The following PLD5 variants were observed in gnomAD, a reference collection of about 807,000 sequenced individuals.
The protein encoded by PLD5 is inactive phospholipase D5.
In PLD5, 36 loss-of-function variants were observed where a neutral mutation model predicts 61.1. The ratio of observed to expected loss-of-function variants is 0.59; its 90% CI spans 0.45 to 0.78. The LOEUF (loss-of-function observed/expected upper bound fraction) is 0.78, where lower values mean the gene tolerates loss of function less well. PLD5 is among the 30% of genes least tolerant of loss of function. The pLI is 0.00. For missense variants in PLD5, 515 were observed against 644.4 expected (o/e 0.80, Z 2.17); for synonymous variants, 243 against 242.8 (o/e 1.00, Z -0.01).
At chr1:242,245,009 C>G (rs1220146086) in intron 4 of PLD5, among the ~76,000 whole-genome samples, 2 of 152,200 alleles carry the variant, frequency 1.3e-5, no homozygotes, top group Non-Finnish European at 2.9e-5. Flanking sequence ...TAAAACTCCA[C>G]TCAGCTTATG....
At chr1:242,496,422 G>A (rs2102984608) in intron 1 of PLD5, among the ~76,000 whole-genome samples, 1 of 152,300 alleles carries the variant, frequency 6.6e-6, no homozygotes, top group Middle Eastern at 3.4e-3. Context: ...GCTATTTAAT[G>A]TCATATAAGG....
At chr1:242,161,731 C>G (rs1051465350) in intron 5 of PLD5, among the ~76,000 whole-genome samples, 1 of 152,208 alleles carries the variant, frequency 6.6e-6, no homozygotes, top group South Asian at 2.1e-4. Flanking sequence ...TGGTGAAGAT[C>G]TCGTCCAGAA....
chr1:242,246,974 CTTTTTTTTTTTTTTTTTTT>C (rs74466537), intron 4 of PLD5, among the ~76,000 whole-genome samples: 6 of 135,806 alleles, frequency 4.4e-5, no homozygotes, highest in African/African-American at 2.8e-5. Context: ...TTTAGGGATT[CTTTTTTTTTTTTTTTTTTT>C]TTTTTTTTGA....
At chr1:242,437,702 A>T (rs954047133) in intron 1 of PLD5, among the ~76,000 whole-genome samples, 5 of 151,994 alleles carry the variant, frequency 3.3e-5, no homozygotes, top group African/African-American at 1.2e-4. Flanking sequence ...AAAAAAATTT[A>T]GTTTACAAAC....
At chr1:242,372,380 C>T (rs371801873) in intron 1 of PLD5, among the ~76,000 whole-genome samples, 9 of 152,120 alleles carry the variant, frequency 5.9e-5, no homozygotes, top group Non-Finnish European at 8.8e-5. Context: ...AGGTAATTTA[C>T]AGATTCAATG....
chr1:242,486,189 G>A (rs1667953633), intron 1 of PLD5, among the ~76,000 whole-genome samples: 1 of 152,034 alleles, frequency 6.6e-6, no homozygotes, highest in Admixed American at 6.6e-5. Context: ...CAAAAGCAAT[G>A]GCAACAAAAG....
At chr1:242,326,880 T>G (rs895863572) in intron 2 of PLD5, among the ~76,000 whole-genome samples, 2 of 151,950 alleles carry the variant, frequency 1.3e-5, no homozygotes, top group Non-Finnish European at 2.9e-5. Context: ...CTTTTTTTTT[T>G]TCCGAGACAG....
chr1:242,482,327 G>A (rs1182891451), intron 1 of PLD5, among the ~76,000 whole-genome samples: 1 of 152,120 alleles, frequency 6.6e-6, no homozygotes, highest in African/African-American at 2.4e-5. Flanking sequence ...TTAGATGAAT[G>A]GCTAACTACA....
intron 1 of PLD5, among the ~76,000 whole-genome samples, chr1:242,403,037 C>G (rs1664027300): frequency 6.6e-6 from 1 of 152,232 alleles, no homozygotes; most frequent in Non-Finnish European, 1.5e-5. Context: ...CCTACTCAAT[C>G]AAACCTTTTA....
At chr1:242,281,767 G>A (rs1449995263) in intron 3 of PLD5, among the ~76,000 whole-genome samples, 1 of 152,152 alleles carries the variant, frequency 6.6e-6, no homozygotes, top group Non-Finnish European at 1.5e-5. Context: ...CAAAGCTGAA[G>A]TGCCCCCTGC....
rs576813662 is a variant in PLD5 at position 242,365,243 on chromosome 1, G to T, written c.190-17001C>A. ...GTATGAGGTGGTGCAGGAAGGCCCT[G>T]CATGGGGACGAGTGCAAGTGCCCCA... is the stretch of plus-strand genomic sequence containing the variant. On this transcript the variant is annotated intron_variant, in intron 1 of 9. Transcript: ENST00000536534. 249 of 152,522 alleles carry T rather than the reference G, an allele frequency of 1.6e-3. 1 individual carries two copies. Among genetic ancestry groups the T allele is most frequent in the Non-Finnish European group, 2.5e-3 (168 of 68,036 alleles). 9.4% of individuals were successfully genotyped at this position (152,522 alleles called of 1,614,324 possible). A position where few individuals can be genotyped will look rare whatever the true frequency, so the allele number is the denominator to read the frequency against.
chr1:242,309,764 T>C (rs1239410820), intron 2 of PLD5, among the ~76,000 whole-genome samples: 1 of 150,442 alleles, frequency 6.6e-6, no homozygotes, highest in Non-Finnish European at 1.5e-5. Flanking sequence ...ATTCAATCAG[T>C]CATTTCTAAG....
intron 7 of PLD5, among the ~76,000 whole-genome samples, chr1:242,112,283 C>CTGTGTGTGTGTGTGTGTG (rs748175841): frequency 8.4e-6 from 1 of 119,760 alleles, no homozygotes; most frequent in Non-Finnish European, 1.9e-5. Flanking sequence ...AAAGGATGCA[C>CTGTGTGTGTGTGTGTGTG]TGTGTGTGTG....
chr1:242,417,322 C>T (rs1490138999), intron 1 of PLD5, among the ~76,000 whole-genome samples: 1 of 152,170 alleles, frequency 6.6e-6, no homozygotes, highest in Non-Finnish European at 1.5e-5. Flanking sequence ...AGGGTGGAAG[C>T]ATCTTTCCAT....
In PLD5 at chr1:242,291,177, TC is replaced by T. The variant is rs539317589; in HGVS notation, c.327-2648del. On this transcript the variant is annotated intron_variant, in intron 2 of 9. Transcript: ENST00000536534. ...TTCCTACACTGGTTATTGAGCCATC[TC>T]CCAGTTAACCTTTAAAGTTCCAATC... Among the ~76,000 whole-genome samples the T allele has an allele frequency of 1.6e-4, 24 of 152,170 alleles. 1 individual carries two copies. In the South Asian group the frequency reaches 4.8e-3, roughly 30 times the overall value.
At chr1:242,404,505 G>A (rs920467021) in intron 1 of PLD5, among the ~76,000 whole-genome samples, 5 of 151,982 alleles carry the variant, frequency 3.3e-5, no homozygotes, top group Non-Finnish European at 7.4e-5. Context: ...TTCACACTAC[G>A]CCAGACAGGA....
chr1:242,195,732 A>G (rs983090976), intron 5 of PLD5, among the ~76,000 whole-genome samples: 2 of 152,182 alleles, frequency 1.3e-5, no homozygotes, highest in African/African-American at 4.8e-5. Flanking sequence ...CAGTAACAGG[A>G]ATTCAGGAAA....
intron 6 of PLD5, among the ~76,000 whole-genome samples, chr1:242,116,804 G>A (rs1160668103): frequency 2.0e-5 from 3 of 152,060 alleles, no homozygotes; most frequent in African/African-American, 7.2e-5. Context: ...TTTCTTTACA[G>A]GATGAGTTTT....
intron 6 of PLD5, among the ~76,000 whole-genome samples, chr1:242,123,014 G>C (rs1037692911): frequency 6.6e-6 from 1 of 152,188 alleles, no homozygotes; most frequent in Non-Finnish European, 1.5e-5. Flanking sequence ...TCAGAAGCTT[G>C]CTTCAAATAA....
Sources: gnomAD v4.1 joint callset for allele counts (sites outside exome capture counted in the v4.1 genomes callset) on GRCh38, gnomAD v4.1.1 for gene constraint, MANE v1.5 for transcripts, NCBI Gene and HGNC (gene_info 2026-07-23, HGNC 2026-07-21) for gene names.